Variants in ENTREP1 observed in about 807,000 individuals in gnomAD.
ENTREP1 encodes endosomal transmembrane epsin interactor 1, also known as Friedreich ataxia region gene X123.
chr9:69,337,727 T>C, the ENTREP1 span, among the ~76,000 whole-genome samples: 3 of 152,172 alleles, frequency 2.0e-5, no homozygotes, highest in Non-Finnish European at 2.9e-5. Context: ...TAATGGAGTT[T>C]CCAACTTTTA....
chr9:69,330,546 G>A, the ENTREP1 span, among the ~76,000 whole-genome samples: 3 of 152,090 alleles, frequency 2.0e-5, no homozygotes, highest in African/African-American at 7.2e-5. Flanking sequence ...AAAAAAAATC[G>A]CAGTGAATAA....
the ENTREP1 span, chr9:69,371,130 G>A: frequency 6.5e-6 from 2 of 308,998 alleles, no homozygotes; most frequent in South Asian, 3.0e-5. Context: ...ATATTCCAGA[G>A]TTCTGTATTT....
At chr9:69,389,217 A>G in the ENTREP1 span, among the ~76,000 whole-genome samples, 11 of 152,312 alleles carry the variant, frequency 7.2e-5, no homozygotes, top group Admixed American at 2.6e-4. Flanking sequence ...GCACCCCACA[A>G]TGGCGTATGG....
the ENTREP1 span, among the ~76,000 whole-genome samples, chr9:69,372,473 A>G: frequency 6.6e-6 from 1 of 152,178 alleles, no homozygotes; most frequent in African/African-American, 2.4e-5. Flanking sequence ...TTCACTTAGC[A>G]TCATCTCCTC....
chr9:69,363,908 G>A, the ENTREP1 span, among the ~76,000 whole-genome samples: 1 of 152,292 alleles, frequency 6.6e-6, no homozygotes, highest in South Asian at 2.1e-4. Context: ...GATGTCAGTG[G>A]TCCAGTGTAG....
At chr9:69,329,526 A>C in the ENTREP1 span, 62 of 984,664 alleles carry the variant, frequency 6.3e-5, no homozygotes, top group Non-Finnish European at 7.2e-5. Context: ...GTTTTCATTC[A>C]TACTTTCAGC....
At chr9:69,325,838 C>T in the ENTREP1 span, 1 of 1,202,558 alleles carries the variant, frequency 8.3e-7, no homozygotes, top group Non-Finnish European at 1.0e-6. Context: ...GGGAGCCTCA[C>T]GCCACCTGAA....
chr9:69,390,476 A>C, the ENTREP1 span, among the ~76,000 whole-genome samples: 1 of 152,260 alleles, frequency 6.6e-6, no homozygotes. Flanking sequence ...TTTACAGAGT[A>C]AGTGATATTA....
chr9:69,380,852 C>T, the ENTREP1 span: 1 of 152,658 alleles, frequency 6.6e-6, no homozygotes, highest in African/African-American at 2.4e-5. Context: ...AAGCAGAGCC[C>T]CCCCAAACCC....
At chr9:69,367,580 A>G in the ENTREP1 span, among the ~76,000 whole-genome samples, 32 of 144,682 alleles carry the variant, frequency 2.2e-4, no homozygotes, top group African/African-American at 8.1e-4. Flanking sequence ...CTCCTTGGTT[A>G]AATTTATTCC....
At chr9:69,367,911 A>C in the ENTREP1 span, among the ~76,000 whole-genome samples, 5 of 147,130 alleles carry the variant, frequency 3.4e-5, no homozygotes, top group South Asian at 2.1e-4. Flanking sequence ...ATATACATAT[A>C]CACACACACA....
At chr9:69,372,498 T>A in the ENTREP1 span, among the ~76,000 whole-genome samples, 1 of 152,194 alleles carries the variant, frequency 6.6e-6, no homozygotes, top group Admixed American at 6.5e-5. Context: ...TTCATCATGT[T>A]GTAGCATGTG....
chr9:69,362,032 C>A, the ENTREP1 span, among the ~76,000 whole-genome samples: 1 of 152,194 alleles, frequency 6.6e-6, no homozygotes, highest in South Asian at 2.1e-4. Flanking sequence ...CTCAATTCAC[C>A]ATTTAAAACC....
the ENTREP1 span, among the ~76,000 whole-genome samples, chr9:69,340,765 G>GTGTGCGTGTA: frequency 8.2e-6 from 1 of 121,930 alleles, no homozygotes; most frequent in Admixed American, 8.0e-5. Context: ...GTGCGTGCAT[G>GTGTGCGTGTA]TGTGTGTGTG....
the ENTREP1 span, among the ~76,000 whole-genome samples, chr9:69,368,186 T>TTCTTTC: frequency 1.3e-5 from 2 of 152,068 alleles, no homozygotes; most frequent in African/African-American, 4.8e-5. Flanking sequence ...TGCCTTTTAT[T>TTCTTTC]TCTTTCTCTT....
At chr9:69,336,172 A>G in the ENTREP1 span, 1 of 1,051,226 alleles carries the variant, frequency 9.5e-7, no homozygotes, top group Non-Finnish European at 1.4e-6. Flanking sequence ...GTTTATTGGA[A>G]TTGGTCCATT....
chr9:69,329,483 A>G, the ENTREP1 span: 1 of 982,110 alleles, frequency 1.0e-6, no homozygotes, highest in Non-Finnish European at 1.2e-6. Flanking sequence ...ACACTTAAGA[A>G]TTAACAAATT....
chr9:69,325,733 G>A, the ENTREP1 span: 37 of 1,212,912 alleles, frequency 3.1e-5, no homozygotes, highest in African/African-American at 5.0e-4. Context: ...GGTGAGTACC[G>A]CGCGCGCGCC....
the ENTREP1 span, chr9:69,380,321 C>CTA: frequency 6.6e-6 from 1 of 152,240 alleles, no homozygotes; most frequent in Non-Finnish European, 1.5e-5. Flanking sequence ...TATAAATCAA[C>CTA]TTTATAGACA....
Sources: gnomAD v4.1 joint callset for allele counts (sites outside exome capture counted in the v4.1 genomes callset) on GRCh38, gnomAD v4.1.1 for gene constraint, MANE v1.5 for transcripts, NCBI Gene and HGNC (gene_info 2026-07-23, HGNC 2026-07-21) for gene names.